DERA: variants seen among roughly 807,000 people sequenced by gnomAD.
DERA encodes the protein 2-deoxy-D-ribose 5-phosphate aldolase.
Under a neutral mutation model 41.1 loss-of-function variants are expected in DERA, and 15 were observed. The ratio of observed to expected loss-of-function variants is 0.37; its 90% CI spans 0.24 to 0.56. DERA has a LOEUF of 0.56. Among genes scored for constraint, DERA ranks in the 20% least tolerant of loss-of-function variants. The probability of loss-of-function intolerance (pLI) is 0.81; values close to 1 mark genes in which losing one functional copy is unlikely to be tolerated. For synonymous variants in DERA, 139 were observed against 137.4 expected (o/e 1.01, Z -0.08); for missense variants, 396 against 403.4 (o/e 0.98, Z 0.16).
Position 15,962,859 on chromosome 12 carries a change from A to G in DERA, c.420A>G (p.Leu140=), listed in dbSNP as rs1229888087. 2 of 1,568,942 alleles carry G rather than the reference A, an allele frequency of 1.3e-6. No individual in the cohort carries two copies. Among genetic ancestry groups the G allele is most frequent in the Non-Finnish European group, 1.7e-6 (2 of 1,155,512 alleles). The change falls in exon 5 of 9, where the codon TTA becomes TTG. Residue 140 remains leucine, a synonymous_variant. Coordinates refer to ENST00000428559, the MANE Select transcript of DERA (RefSeq NM_015954.4). The part of the protein sequence containing the change: ...PAGQTHLKTR[L]EEIRLAVEDG... ...GACAGACTCATTTGAAGACACGATT[A>G]GAAGAGATCAGATTGGCTGTGGAAG...
At position 16,004,977 on chromosome 12, in the gene DERA, AT is replaced by A. The variant is rs1948899754; in HGVS notation, c.637+22544del. On this transcript the variant is annotated intron_variant, in intron 6 of 8. Transcript: ENST00000428559. The surrounding 1 kb of genome is among the most constrained non-coding windows in gnomAD (Gnocchi z 4.2). ...TAAAGAAGAAACAGAGCAACTGAGG[AT>A]TTGGTTTTATGCCCTGTAGAGTTCA... 6.6e-6 allele frequency among the ~76,000 whole-genome samples: 1 copy of A among 152,188 alleles called. No homozygotes were observed. Among genetic ancestry groups the A allele is most frequent in the Non-Finnish European group, 1.5e-5 (1 of 68,024 alleles).
chr12:15,929,051 C>T (rs1948308331), intron 1 of DERA, among the ~76,000 whole-genome samples: 1 of 152,154 alleles, frequency 6.6e-6, no homozygotes, highest in Non-Finnish European at 1.5e-5. Flanking sequence ...ACCAGGGCTT[C>T]GGGTTCAGCT....
chr12:15,955,909 G>C (rs1948534689), intron 1 of DERA, among the ~76,000 whole-genome samples: 1 of 152,238 alleles, frequency 6.6e-6, no homozygotes, highest in Admixed American at 6.5e-5. Context: ...CTCTTTTAAG[G>C]CTCTTTTAAA....
chr12:15,982,374 C>G lies in DERA; in HGVS notation c.575C>G (p.Ala192Gly). The G allele has an allele frequency of 6.2e-7, 1 of 1,613,680 alleles. No individual in the cohort carries two copies. Among genetic ancestry groups the G allele is most frequent in the South Asian group, 1.1e-5 (1 of 91,054 alleles). Residue 192 changes from alanine (A) to glycine (G), a missense_variant, in exon 6 of 9, where the codon GCG becomes GGG. Transcript: ENST00000428559. The surrounding 1 kb of genome is among the most constrained non-coding windows in gnomAD (Gnocchi z 4.0). Reference protein sequence around the residue: ...CGEAHLKTILATGELGTLTNV... With the variant: ...CGEAHLKTILGTGELGTLTNV... The stretch of plus-strand genomic sequence containing the variant: ...GAGGCTCATCTTAAAACTATATTAG[C>G]GACAGGAGAACTTGGAACTCTTACT...
rs899322038 is a variant in DERA, at chr12:15,958,695, A to G, written c.277+360A>G. ...AAGCCAGTCTCATTACTTAATAATC[A>G]CATCTCATACATAAAGTATTTTCTG... On this transcript the variant is annotated intron_variant, in intron 3 of 8. Transcript: ENST00000428559. Among the ~76,000 whole-genome samples the G allele has an allele frequency of 4.6e-5, 7 of 152,134 alleles. 1 individual carries two copies. The highest frequency in any genetic ancestry group is 4.6e-4 in the Admixed American group (7 of 15,276).
rs758039527 is a variant in DERA, at chr12:15,938,442, T to C, written c.32-18494T>C. Among the ~76,000 whole-genome samples, 1 of 152,192 alleles carries C rather than the reference T, an allele frequency of 6.6e-6. No homozygotes were observed. The highest frequency in any genetic ancestry group is 1.9e-4 in the East Asian group (1 of 5,192). On this transcript the variant is annotated intron_variant, in intron 1 of 8. Coordinates refer to ENST00000428559, the MANE Select transcript of DERA (RefSeq NM_015954.4). This position sits in a 1 kb window ranked among gnomAD's most constrained non-coding sequence, Gnocchi z 4.1. ...AGCCAAAAAATGTATTTATATTATC[T>C]CAGCATTATAAAACAACACAAGTTG...
intron 1 of DERA, among the ~76,000 whole-genome samples, chr12:15,920,860 T>C (rs1056700529): frequency 2.6e-5 from 4 of 152,100 alleles, no homozygotes; most frequent in African/African-American, 9.7e-5. Flanking sequence ...CCCCCAAAAA[T>C]ACCAAATTAT....
chr12:15,973,672 A>AT (rs1234770711), intron 5 of DERA, among the ~76,000 whole-genome samples: 1 of 152,102 alleles, frequency 6.6e-6, no homozygotes, highest in African/African-American at 2.4e-5. Context: ...GATTGAATAC[A>AT]TTTTTTATGT....
In DERA at chr12:16,035,113, A is replaced by G. The variant is rs1415180738; in HGVS notation, c.751-1119A>G. Among the ~76,000 whole-genome samples the G allele has an allele frequency of 2.0e-5, 3 of 152,212 alleles. No individual in the cohort carries two copies. The highest frequency in any genetic ancestry group is 2.0e-4 in the Admixed American group (3 of 15,280). On this transcript the variant is annotated intron_variant, in intron 7 of 8. Coordinates refer to ENST00000428559, the MANE Select transcript of DERA (RefSeq NM_015954.4). This position sits in a 1 kb window ranked among gnomAD's most constrained non-coding sequence, Gnocchi z 4.1. ...GAGAATTGATAAGGGTCTAAACTGA[A>G]ACAAGTGAGAGTGCAGTGGAAAGAG...
chr12:15,913,691 A>G lies in DERA; in HGVS notation c.31+2277A>G, dbSNP rs1177543408. On this transcript the variant is annotated intron_variant, in intron 1 of 8. Coordinates refer to ENST00000428559, the MANE Select transcript of DERA (RefSeq NM_015954.4). The surrounding 1 kb of genome is among the most constrained non-coding windows in gnomAD (Gnocchi z 4.5). ...CTTAAAAAAACATTGAGTTCCTTTG[A>G]GACTAAACCTGACCCTCATGATTAA... Among the ~76,000 whole-genome samples, 3 of 152,182 alleles carry G rather than the reference A, an allele frequency of 2.0e-5. No homozygotes were observed. The highest frequency in any genetic ancestry group is 7.2e-5 in the African/African-American group (3 of 41,436).
At chr12:16,022,429 C>T (rs371186387) in intron 6 of DERA, among the ~76,000 whole-genome samples, 2 of 152,150 alleles carry the variant, frequency 1.3e-5, no homozygotes, top group East Asian at 3.8e-4. Context: ...CTCAGGTATT[C>T]CTTTATAGCA....
rs546455213 is a variant in DERA at position 15,965,543 on chromosome 12, C to T, written c.508+2596C>T. Among the ~76,000 whole-genome samples, 1 of 152,202 alleles carries T rather than the reference C, an allele frequency of 6.6e-6. No individual in the cohort carries two copies. The highest frequency in any genetic ancestry group is 2.1e-4 in the South Asian group (1 of 4,816). On this transcript the variant is annotated intron_variant, in intron 5 of 8. Coordinates refer to ENST00000428559, the MANE Select transcript of DERA (RefSeq NM_015954.4). This position sits in a 1 kb window ranked among gnomAD's most constrained non-coding sequence, Gnocchi z 4.1. ...AGAGCCCCATTTTTTAAACCTGGCCCTTCAGAGTGGTCTTAACCATTTCTC... is the reference window on the plus strand; with the variant it reads ...AGAGCCCCATTTTTTAAACCTGGCCTTTCAGAGTGGTCTTAACCATTTCTC...
chr12:15,952,667 A>G (rs1308567134), intron 1 of DERA, among the ~76,000 whole-genome samples: 3 of 152,216 alleles, frequency 2.0e-5, no homozygotes, highest in African/African-American at 7.2e-5. Flanking sequence ...TTCTTTTTGT[A>G]CTGAATCTTT....
Position 15,998,755 on chromosome 12 carries a change from A to G in DERA, c.637+16319A>G, listed in dbSNP as rs530147286. 6.6e-6 allele frequency among the ~76,000 whole-genome samples: 1 copy of G among 152,250 alleles called. No individual in the cohort carries two copies. Among genetic ancestry groups the G allele is most frequent in the South Asian group, 2.1e-4 (1 of 4,814 alleles). On this transcript the variant is annotated intron_variant, in intron 6 of 8. Transcript: ENST00000428559. The surrounding 1 kb of genome is among the most constrained non-coding windows in gnomAD (Gnocchi z 4.8). ...TGTTCTAGTAGTTATTTTCATTGCA[A>G]TGTGCTTATTTGGACCGCTGAACTT...
At position 15,995,695 on chromosome 12, in the gene DERA, T is replaced by C. The variant is rs1948832205; in HGVS notation, c.637+13259T>C. 6.6e-6 allele frequency among the ~76,000 whole-genome samples: 1 copy of C among 151,920 alleles called. No individual in the cohort carries two copies. Among genetic ancestry groups the C allele is most frequent in the Non-Finnish European group, 1.5e-5 (1 of 67,982 alleles). On this transcript the variant is annotated intron_variant, in intron 6 of 8. Coordinates refer to ENST00000428559, the MANE Select transcript of DERA (RefSeq NM_015954.4). This position sits in a 1 kb window ranked among gnomAD's most constrained non-coding sequence, Gnocchi z 5.1. ...ATGGAGGGGTATGGGAGAATGGAAG[T>C]GGTATCAGAATATTTAGAGGGAAGT...
chr12:16,003,634 T>C lies in DERA; in HGVS notation c.637+21198T>C, dbSNP rs1948890648. 6.6e-6 allele frequency among the ~76,000 whole-genome samples: 1 copy of C among 152,156 alleles called. No individual in the cohort carries two copies. The highest frequency in any genetic ancestry group is 1.5e-5 in the Non-Finnish European group (1 of 68,016). The stretch of plus-strand genomic sequence containing the variant: ...GGGGGCAGTGGAGAGGGAAGTAGAC[T>C]GCAGGGTTGATGTAAGAAAAACAGG... On this transcript the variant is annotated intron_variant, in intron 6 of 8. Coordinates refer to ENST00000428559, the MANE Select transcript of DERA (RefSeq NM_015954.4). This position sits in a 1 kb window ranked among gnomAD's most constrained non-coding sequence, Gnocchi z 4.8.
At chr12:15,920,767 C>T (rs1025978758) in intron 1 of DERA, among the ~76,000 whole-genome samples, 2 of 152,094 alleles carry the variant, frequency 1.3e-5, no homozygotes, top group Non-Finnish European at 2.9e-5. Context: ...ACCCAGGAGG[C>T]GAGGTTGCAG....
chr12:15,977,402 T>G (rs1948704901), intron 5 of DERA, among the ~76,000 whole-genome samples: 1 of 152,254 alleles, frequency 6.6e-6, no homozygotes, highest in Non-Finnish European at 1.5e-5. Flanking sequence ...GTTCTATAAC[T>G]GACCCACAGT....
In DERA at chr12:15,940,942, A is replaced by G. The variant is rs932648653; in HGVS notation, c.32-15994A>G. On this transcript the variant is annotated intron_variant, in intron 1 of 8. Coordinates refer to ENST00000428559, the MANE Select transcript of DERA (RefSeq NM_015954.4). This position sits in a 1 kb window ranked among gnomAD's most constrained non-coding sequence, Gnocchi z 5.1. ...TAGCACGTGGCAAATGTTGAAAAAC[A>G]TTTTGTGCAAATTGCAGATAATCAA... 5.9e-5 allele frequency among the ~76,000 whole-genome samples: 9 copies of G among 152,330 alleles called. No homozygotes were observed. Among genetic ancestry groups the G allele is most frequent in the Non-Finnish European group, 1.2e-4 (8 of 68,034 alleles).
Sources: gnomAD v4.1 joint callset for allele counts (sites outside exome capture counted in the v4.1 genomes callset) on GRCh38, gnomAD v4.1.1 for gene constraint, Gnocchi (gnomAD v3.1) non-coding constraint, MANE v1.5 for transcripts, NCBI Gene and HGNC (gene_info 2026-07-23, HGNC 2026-07-21) for gene names.